ELK3: variants seen among roughly 807,000 people sequenced by gnomAD.
ELK3 encodes the protein ETS domain-containing protein Elk-3.
In ELK3, 10 loss-of-function variants were observed where a neutral mutation model predicts 28.9. The observed-to-expected ratio is 0.35, with a 90% CI of 0.21 to 0.59. The LOEUF is 0.59. Ranked by LOEUF, ELK3 falls within the 20% of genes least tolerant of loss-of-function variation. ELK3 has a pLI of 0.82. For missense variants in ELK3, 463 were observed against 517.3 expected (o/e 0.90, Z 1.02); for synonymous variants, 272 against 243.5 (o/e 1.12, Z -1.09).
At chr12:96,210,836 C>T (rs1230519185) in intron 1 of ELK3, among the ~76,000 whole-genome samples, 1 of 152,130 alleles carries the variant, frequency 6.6e-6, no homozygotes, top group African/African-American at 2.4e-5. Context: ...GAGGCAACAC[C>T]AGAAATGAAC....
At chr12:96,198,863 C>T (rs1188934263) in intron 1 of ELK3, among the ~76,000 whole-genome samples, 6 of 152,168 alleles carry the variant, frequency 3.9e-5, no homozygotes, top group African/African-American at 1.4e-4. Flanking sequence ...ACTTTTTTCA[C>T]TTAACATGTA....
At chr12:96,202,769 C>T (rs566532933) in intron 1 of ELK3, among the ~76,000 whole-genome samples, 17 of 152,050 alleles carry the variant, frequency 1.1e-4, no homozygotes, top group Non-Finnish European at 5.9e-5. Context: ...TCAACTGATC[C>T]GCCTGCCTCG....
At chr12:96,227,438 G>C (rs1356878137) in intron 2 of ELK3, among the ~76,000 whole-genome samples, 2 of 152,104 alleles carry the variant, frequency 1.3e-5, no homozygotes, top group African/African-American at 4.8e-5. Flanking sequence ...TCCCACTTGA[G>C]TAGACAAGCA....
At chr12:96,263,146 A>G (rs1344227613) in intron 4 of ELK3, among the ~76,000 whole-genome samples, 3 of 152,172 alleles carry the variant, frequency 2.0e-5, no homozygotes, top group South Asian at 2.1e-4. Flanking sequence ...CAGCTGAAGC[A>G]TTTTTGTACA....
rs199592892 is a variant in ELK3, at chr12:96,197,410, ATTTAC to A, written c.-3+2710_-3+2714del. On this transcript the variant is annotated intron_variant, in intron 1 of 4. Transcript: ENST00000228741. ...TCTATAGTGGATTGAGAAAAATCTT[ATTTAC>A]TTTAATGATGATGAAGATGATGAAA... 7.0e-3 allele frequency among the ~76,000 whole-genome samples: 1,071 copies of A among 152,300 alleles called. 12 individuals carry two copies. Among genetic ancestry groups the A allele is most frequent in the African/African-American group, 0.024 (980 of 41,556 alleles).
intron 1 of ELK3, among the ~76,000 whole-genome samples, chr12:96,207,267 C>T (rs1271061521): frequency 4.6e-5 from 7 of 152,188 alleles, no homozygotes. Context: ...CTGCATTTGG[C>T]ACCATAACCA....
chr12:96,243,386 C>T (rs533246696), intron 2 of ELK3, among the ~76,000 whole-genome samples: 1 of 152,280 alleles, frequency 6.6e-6, no homozygotes, highest in African/African-American at 2.4e-5. Context: ...TCATATGTGA[C>T]CTTTATCATG....
At chr12:96,225,189 C>T (rs977705646) in intron 2 of ELK3, among the ~76,000 whole-genome samples, 8 of 152,196 alleles carry the variant, frequency 5.3e-5, no homozygotes, top group Admixed American at 3.3e-4. Context: ...AAAACACTCC[C>T]GTTGCCTGCT....
chr12:96,216,917 A>C (rs1262022796), intron 1 of ELK3, among the ~76,000 whole-genome samples: 1 of 152,172 alleles, frequency 6.6e-6, no homozygotes, highest in Non-Finnish European at 1.5e-5. Flanking sequence ...CTTACCTTCC[A>C]AATAGACAAA....
At chr12:96,264,499 A>G (rs963953183) in intron 4 of ELK3, among the ~76,000 whole-genome samples, 1 of 152,150 alleles carries the variant, frequency 6.6e-6, no homozygotes, top group African/African-American at 2.4e-5. Context: ...AACAATAGTT[A>G]AGGCCGGGCA....
intron 2 of ELK3, among the ~76,000 whole-genome samples, chr12:96,241,825 G>A (rs529436202): frequency 7.2e-5 from 11 of 152,196 alleles, no homozygotes; most frequent in Admixed American, 2.0e-4. Context: ...TCTTTTGCCT[G>A]GAACTGCCAC....
chr12:96,210,597 A>ACACACCCCCC (rs1416746905), intron 1 of ELK3, among the ~76,000 whole-genome samples: 34 of 149,062 alleles, frequency 2.3e-4, no homozygotes, highest in Admixed American at 1.5e-3. Context: ...ACACACACAC[A>ACACACCCCCC]CCCCGAGTGG....
In ELK3 at chr12:96,223,734, T is replaced by C; in HGVS notation, c.168T>C (p.Tyr56=). 6.2e-7 allele frequency: 1 copy of C among 1,614,066 alleles called. No homozygotes were observed. Among genetic ancestry groups the C allele is most frequent in the Non-Finnish European group, 8.5e-7 (1 of 1,180,014 alleles). The change falls in exon 2 of 5, where the codon TAT becomes TAC. Residue 56 remains tyrosine (Y), a synonymous_variant. Transcript: ENST00000228741. ...GAAAAAACAAAACAAATATGAACTA[T>C]GATAAGCTGAGCAGAGCCCTGCGAT... ...GLRKNKTNMN[Y]DKLSRALRYY... is the part of the protein sequence containing the mutation.
chr12:96,233,505 A>G (rs1951758410), intron 2 of ELK3, among the ~76,000 whole-genome samples: 2 of 152,242 alleles, frequency 1.3e-5, no homozygotes, highest in African/African-American at 4.8e-5. Context: ...AGAACAGTCA[A>G]GACAAAGTCA....
At chr12:96,219,755 T>C (rs536630671) in intron 1 of ELK3, among the ~76,000 whole-genome samples, 6 of 152,130 alleles carry the variant, frequency 3.9e-5, no homozygotes, top group Non-Finnish European at 8.8e-5. Context: ...CTGATCTTTG[T>C]AGATGCAATG....
At chr12:96,225,013 C>A (rs143455722) in intron 2 of ELK3, among the ~76,000 whole-genome samples, 3 of 152,304 alleles carry the variant, frequency 2.0e-5, no homozygotes, top group African/African-American at 7.2e-5. Flanking sequence ...TAAAGGTGCT[C>A]TCCTTTAACG....
Position 96,246,464 on chromosome 12 carries a change from G to C in ELK3, c.208-476G>C, listed in dbSNP as rs7299864. On this transcript the variant is annotated intron_variant, in intron 2 of 4. Transcript: ENST00000228741. Reference sequence around the variant, plus strand: ...GAGTCCAGGAGTTTGAGACCAGCCTGAGCAACCAAGTGAGATGCTGTCTCC... The same window carrying C: ...GAGTCCAGGAGTTTGAGACCAGCCTCAGCAACCAAGTGAGATGCTGTCTCC... 9.0e-3 allele frequency among the ~76,000 whole-genome samples: 1,378 copies of C among 152,282 alleles called. 28 individuals are homozygous for C. Among genetic ancestry groups the C allele is most frequent in the African/African-American group, 0.032 (1,311 of 41,546 alleles).
rs1001918568 is a variant in ELK3, at chr12:96,268,853, C to G, written c.*1673C>G. ...GGGCCCTTATCAAGGGATAAAAATC[C>G]AAACACTCTAACATGCCTCCTTGAC... On this transcript the variant is annotated 3_prime_UTR_variant, in exon 5 of 5. Coordinates refer to ENST00000228741, the MANE Select transcript of ELK3 (RefSeq NM_005230.4). 2 of 152,102 alleles carry G rather than the reference C, an allele frequency of 1.3e-5. No homozygotes were observed. Among genetic ancestry groups the G allele is most frequent in the Non-Finnish European group, 2.9e-5 (2 of 68,034 alleles). 9.4% of individuals were successfully genotyped at this position (152,102 alleles called of 1,614,324 possible).
intron 1 of ELK3, among the ~76,000 whole-genome samples, chr12:96,195,305 G>C (rs1051532243): frequency 4.6e-5 from 7 of 152,178 alleles, no homozygotes; most frequent in African/African-American, 1.7e-4. Flanking sequence ...ACTCTCGCTT[G>C]GCAGGTGACC....
Sources: gnomAD v4.1 joint callset for allele counts (sites outside exome capture counted in the v4.1 genomes callset) on GRCh38, gnomAD v4.1.1 for gene constraint, MANE v1.5 for transcripts, NCBI Gene and HGNC (gene_info 2026-07-23, HGNC 2026-07-21) for gene names.